The following APPL2 variants were observed in gnomAD, a reference collection of about 807,000 sequenced individuals.
The protein encoded by APPL2 is adaptor protein, phosphotyrosine interacting with PH domain and leucine zipper 2, also known as DCC-interacting protein 13-beta.
APPL2 carries 84 observed loss-of-function variants against 92.7 expected under a neutral mutation model. The ratio of observed to expected loss-of-function variants is 0.91; its 90% CI spans 0.76 to 1.09. APPL2 has a LOEUF of 1.09. Ranked by LOEUF, APPL2 falls within the 50% of genes least tolerant of loss-of-function variation. The pLI is 0.00. For missense variants in APPL2, 736 were observed against 824.5 expected, an observed-to-expected ratio of 0.89 and a Z score of 1.31; for synonymous variants, 291 against 291.0, an observed-to-expected ratio of 1.00 and a Z score of 0.00.
At chr12:105,233,079 T>A (rs763533832) in intron 1 of APPL2, 1 of 985,132 alleles carries the variant, frequency 1.0e-6, no homozygotes, top group Non-Finnish European at 1.2e-6. Context: ...ACCTCAAAAG[T>A]GTACTACTTA....
intron 4 of APPL2, among the ~76,000 whole-genome samples, chr12:105,215,203 A>G (rs1889579112): frequency 6.6e-6 from 1 of 152,170 alleles, no homozygotes; most frequent in Non-Finnish European, 1.5e-5. Flanking sequence ...TAGACTTGCA[A>G]TTGGCATCTG....
intron 17 of APPL2, among the ~76,000 whole-genome samples, chr12:105,185,019 G>A (rs1379508254): frequency 4.6e-5 from 7 of 152,154 alleles, no homozygotes; most frequent in African/African-American, 1.7e-4. Context: ...GGCAGGCTCA[G>A]CCCAGTATGA....
At chr12:105,179,805 C>T (rs1286653513) in intron 17 of APPL2, among the ~76,000 whole-genome samples, 1 of 152,136 alleles carries the variant, frequency 6.6e-6, no homozygotes, top group African/African-American at 2.4e-5. Flanking sequence ...TATCCTTCAC[C>T]CACTTTTTGA....
At chr12:105,186,631 T>TATATTATATCG (rs368764204) in intron 17 of APPL2, among the ~76,000 whole-genome samples, 1 of 121,770 alleles carries the variant, frequency 8.2e-6, no homozygotes. Flanking sequence ...ATATATCATA[T>TATATTATATCG]ATATCATATA....
At chr12:105,225,264 G>A (rs1890406057) in intron 2 of APPL2, among the ~76,000 whole-genome samples, 1 of 152,118 alleles carries the variant, frequency 6.6e-6, no homozygotes, top group South Asian at 2.1e-4. Context: ...GGGTTGCCAG[G>A]TTTCGTGAAT....
Position 105,199,472 on chromosome 12 carries a change from A to G in APPL2, c.764T>C (p.Leu255Pro), listed in dbSNP as rs1887954447. The change falls in exon 10 of 21, where the codon CTT becomes CCT. Residue 255 changes from leucine (L) to proline (P), a missense_variant. Coordinates refer to ENST00000258530, the MANE Select transcript of APPL2 (RefSeq NM_018171.5). Reference sequence around the variant, plus strand: ...AGTGTAAACAGATTCATCAACAGAAAGTAATTCTTGCTGGGACACCCGCAT... The same window carrying G: ...AGTGTAAACAGATTCATCAACAGAAGGTAATTCTTGCTGGGACACCCGCAT... ...EKMRVSQQELLSVDESVYTPD... is the reference protein window; with the variant it reads ...EKMRVSQQELPSVDESVYTPD... 1.2e-6 allele frequency: 2 copies of G among 1,614,112 alleles called. No homozygotes were observed. Among genetic ancestry groups the G allele is most frequent in the Admixed American group, 1.7e-5 (1 of 60,030 alleles).
At chr12:105,209,681 T>G (rs917150744) in intron 5 of APPL2, among the ~76,000 whole-genome samples, 12 of 152,226 alleles carry the variant, frequency 7.9e-5, no homozygotes, top group Non-Finnish European at 1.5e-4. Context: ...CACTAAGGCA[T>G]TCAGTGAGGA....
At position 105,174,379 on chromosome 12, in the gene APPL2, T is replaced by TTAAC. The variant is rs776171038; in HGVS notation, c.1926_1929dup (p.Asn644ValfsTer7). On this transcript the variant is annotated frameshift_variant, in exon 21 of 21. Transcript: ENST00000258530. LOFTEE classifies it high-confidence loss of function. ...CCATCATCGTCATCTGGTTGATCGT[T>TTAAC]TAACAGTACATATTTTCCGTCATTG... is the stretch of plus-strand genomic sequence containing the variant. The TTAAC allele has an allele frequency of 5.6e-6, 9 of 1,613,964 alleles. No homozygotes were observed. The highest frequency in any genetic ancestry group is 1.3e-5 in the African/African-American group (1 of 74,936).
At chr12:105,217,332 A>G in intron 3 of APPL2, among the ~76,000 whole-genome samples, 192 bp from the exon 4 acceptor site, 1 of 151,324 alleles carries the variant, frequency 6.6e-6, no homozygotes. Context: ...CACTCATCTG[A>G]CCCTCCCTGG....
At chr12:105,225,051 G>A (rs1167268845) in intron 2 of APPL2, among the ~76,000 whole-genome samples, 4 of 147,776 alleles carry the variant, frequency 2.7e-5, no homozygotes, top group African/African-American at 2.5e-5. Flanking sequence ...GGTTAAGAAC[G>A]ACTGCAGACA....
rs377678013 is a variant in APPL2, at chr12:105,197,779, C to T, written c.1038G>A (p.Thr346=). 45 of 1,614,078 alleles carry T rather than the reference C, an allele frequency of 2.8e-5. No individual in the cohort carries two copies. The highest frequency in any genetic ancestry group is 1.6e-4 in the Middle Eastern group (1 of 6,084). The change falls in exon 11 of 21, where the codon ACG becomes ACA. Residue 346 remains threonine (T), a synonymous_variant. Transcript: ENST00000258530. ...GTGAAACATACGATTTTCCATTGGG[C>T]GTGGTGATCTGGAAGCAGTAGCGCC... The part of the protein sequence containing the change: ...EDRRYCFQIT[T]PNGKSGIILQ...
intron 17 of APPL2, among the ~76,000 whole-genome samples, chr12:105,177,722 C>CT (rs1885690595): frequency 6.6e-6 from 1 of 152,128 alleles, no homozygotes; most frequent in African/African-American, 2.4e-5. Context: ...TGACAAAACT[C>CT]TTATCAATTT....
intron 17 of APPL2, among the ~76,000 whole-genome samples, chr12:105,178,218 T>C (rs1037154854): frequency 1.3e-5 from 2 of 152,228 alleles, no homozygotes; most frequent in Admixed American, 6.5e-5. Flanking sequence ...TTCTACTGTA[T>C]TGTACTCGTG....
chr12:105,219,446 A>C (rs1301065526), intron 2 of APPL2, among the ~76,000 whole-genome samples: 1 of 152,210 alleles, frequency 6.6e-6, no homozygotes, highest in African/African-American at 2.4e-5. Context: ...ACTTCTAGCC[A>C]CATAGTCAGG....
At chr12:105,226,941 T>C (rs1890552810) in intron 2 of APPL2, among the ~76,000 whole-genome samples, 1 of 151,986 alleles carries the variant, frequency 6.6e-6, no homozygotes. Context: ...AGTAGGACCT[T>C]ATCTCTACCA....
At chr12:105,232,877 G>T (rs1298086479) in intron 1 of APPL2, among the ~76,000 whole-genome samples, 1 of 152,078 alleles carries the variant, frequency 6.6e-6, no homozygotes, top group Non-Finnish European at 1.5e-5. Context: ...AAAACCACCA[G>T]GTTATGTTTT....
At chr12:105,206,951 T>C (rs1434532950) in intron 8 of APPL2, 110 bp downstream of exon 8, 11 of 1,357,714 alleles carry the variant, frequency 8.1e-6, no homozygotes, top group Non-Finnish European at 1.1e-5. Flanking sequence ...CCAGGGAGAT[T>C]GTGCATTTAT....
At chr12:105,227,557 G>T (rs1890615914) in intron 2 of APPL2, among the ~76,000 whole-genome samples, 1 of 152,092 alleles carries the variant, frequency 6.6e-6, no homozygotes, top group African/African-American at 2.4e-5. Context: ...CGTTCCAGAT[G>T]AATACCTGAA....
intron 1 of APPL2, chr12:105,233,444 G>T: frequency 1.0e-6 from 1 of 974,346 alleles, no homozygotes; most frequent in Non-Finnish European, 1.2e-6. Flanking sequence ...AGGAGTCCAT[G>T]AATAGATGTG....
Sources: allele counts gnomAD v4.1 joint callset (sites outside exome capture counted in the v4.1 genomes callset), GRCh38; gene constraint gnomAD v4.1.1; transcripts MANE v1.5; gene names NCBI Gene and HGNC (gene_info 2026-07-23, HGNC 2026-07-21).